The following ARB2A variants were observed in gnomAD, a reference collection of about 807,000 sequenced individuals.
The protein encoded by ARB2A is cotranscriptional regulator ARB2A.
the ARB2A span, among the ~76,000 whole-genome samples, chr5:93,712,725 C>T: frequency 6.6e-6 from 1 of 151,816 alleles, no homozygotes; most frequent in South Asian, 2.1e-4. Context: ...TATATTGAAC[C>T]ACAAAAGACA....
chr5:93,629,592 T>TCGAA, the ARB2A span, among the ~76,000 whole-genome samples: 1 of 152,166 alleles, frequency 6.6e-6, no homozygotes, highest in Non-Finnish European at 1.5e-5. Context: ...TATCAATTGT[T>TCGAA]CACCTTTGAA....
At chr5:93,961,918 T>C in the ARB2A span, among the ~76,000 whole-genome samples, 11 of 152,320 alleles carry the variant, frequency 7.2e-5, no homozygotes, top group South Asian at 1.5e-3. Flanking sequence ...TAGCTGGTCA[T>C]TGGCTAATAT....
the ARB2A span, among the ~76,000 whole-genome samples, chr5:93,756,675 A>C: frequency 2.0e-5 from 3 of 152,164 alleles, no homozygotes; most frequent in Admixed American, 2.0e-4. Context: ...AAAGGGGGAG[A>C]GTACTACACC....
chr5:93,647,201 T>C, the ARB2A span, among the ~76,000 whole-genome samples: 1 of 152,096 alleles, frequency 6.6e-6, no homozygotes, highest in Admixed American at 6.6e-5. Context: ...TTTTAGTCTC[T>C]AGTACAGGAT....
chr5:93,906,907 T>C, the ARB2A span, among the ~76,000 whole-genome samples: 6 of 151,586 alleles, frequency 4.0e-5, no homozygotes, highest in East Asian at 1.9e-4. Context: ...CAAGTACTTA[T>C]GCTGCATAAT....
At chr5:94,004,942 G>A in the ARB2A span, among the ~76,000 whole-genome samples, 1 of 122,648 alleles carries the variant, frequency 8.2e-6, no homozygotes, top group African/African-American at 3.1e-5. Flanking sequence ...CCACCTTCTT[G>A]TACTTAGGAA....
the ARB2A span, among the ~76,000 whole-genome samples, chr5:93,976,960 C>T: frequency 1.3e-5 from 2 of 151,804 alleles, no homozygotes; most frequent in East Asian, 3.9e-4. Flanking sequence ...ATACCAATAA[C>T]ATTCAAGCTG....
the ARB2A span, among the ~76,000 whole-genome samples, chr5:93,640,586 G>A: frequency 1.3e-5 from 2 of 149,660 alleles, no homozygotes; most frequent in Admixed American, 1.3e-4. Context: ...GTGTGTGTGT[G>A]TGTGTGTGTG....
the ARB2A span, among the ~76,000 whole-genome samples, chr5:93,724,578 T>C: frequency 6.6e-6 from 1 of 152,098 alleles, no homozygotes; most frequent in South Asian, 2.1e-4. Flanking sequence ...AAATATTTTA[T>C]GATAAATTGA....
chr5:93,867,185 T>G, the ARB2A span, among the ~76,000 whole-genome samples: 130 of 152,316 alleles, frequency 8.5e-4, no homozygotes, highest in Non-Finnish European at 1.5e-3. Context: ...TACATACCTC[T>G]GAAAGGTACT....
chr5:93,853,746 A>C, the ARB2A span, among the ~76,000 whole-genome samples: 1 of 152,180 alleles, frequency 6.6e-6, no homozygotes, highest in African/African-American at 2.4e-5. Flanking sequence ...CTCTGTTTAT[A>C]TGATGGATTA....
the ARB2A span, among the ~76,000 whole-genome samples, chr5:93,799,035 A>G: frequency 1.3e-5 from 2 of 152,110 alleles, no homozygotes; most frequent in African/African-American, 4.8e-5. Flanking sequence ...CTGCCTTACT[A>G]TGGAAATGAA....
the ARB2A span, among the ~76,000 whole-genome samples, chr5:93,912,724 A>G: frequency 6.6e-6 from 1 of 151,878 alleles, no homozygotes; most frequent in Non-Finnish European, 1.5e-5. Context: ...TTAAAATTTC[A>G]TAGTATACTT....
the ARB2A span, among the ~76,000 whole-genome samples, chr5:93,659,210 C>T: frequency 3.3e-5 from 5 of 151,754 alleles, no homozygotes; most frequent in Non-Finnish European, 7.4e-5. Flanking sequence ...ATGGAAGTAT[C>T]GTTAAACATG....
the ARB2A span, among the ~76,000 whole-genome samples, chr5:93,966,221 C>T: frequency 1.3e-5 from 2 of 152,034 alleles, no homozygotes; most frequent in Non-Finnish European, 2.9e-5. Flanking sequence ...ATCCTACTAT[C>T]TATGAAATCA....
At chr5:94,060,588 A>G in the ARB2A span, among the ~76,000 whole-genome samples, 3 of 152,220 alleles carry the variant, frequency 2.0e-5, no homozygotes, top group Non-Finnish European at 2.9e-5. Flanking sequence ...ATACTTAAAA[A>G]TAAATTGGTA....
chr5:93,734,254 A>G, the ARB2A span: 1 of 152,306 alleles, frequency 6.6e-6, no homozygotes, highest in Admixed American at 6.5e-5. Context: ...AACTTACAAG[A>G]CTTATGTAAA....
chr5:93,706,607 T>C, the ARB2A span, among the ~76,000 whole-genome samples: 4 of 151,890 alleles, frequency 2.6e-5, no homozygotes, highest in African/African-American at 4.8e-5. Context: ...GTGGCTCACG[T>C]CTGTAATCCC....
At chr5:93,889,278 GTGTT>G in the ARB2A span, among the ~76,000 whole-genome samples, 1 of 151,800 alleles carries the variant, frequency 6.6e-6, no homozygotes, top group African/African-American at 2.4e-5. Flanking sequence ...TTGAGGATGT[GTGTT>G]TGTGCGTGTG....
Sources: gnomAD v4.1 joint callset for allele counts (sites outside exome capture counted in the v4.1 genomes callset) on GRCh38, gnomAD v4.1.1 for gene constraint, MANE v1.5 for transcripts, NCBI Gene and HGNC (gene_info 2026-07-23, HGNC 2026-07-21) for gene names.